DSCAML1: variants seen among roughly 807,000 people sequenced by gnomAD.
DSCAML1 encodes cell adhesion molecule DSCAML1.
In DSCAML1, 38 loss-of-function variants were observed where a neutral mutation model predicts 200.5. The ratio of observed to expected loss-of-function variants is 0.19; its 90% CI spans 0.15 to 0.25. DSCAML1 has a LOEUF of 0.25. Ranked by LOEUF, DSCAML1 falls within the 10% of genes least tolerant of loss-of-function variation. The pLI is 1.00. For missense variants in DSCAML1, 2,223 were observed against 2,858.8 expected (o/e 0.78, Z 5.07); for synonymous variants, 1,215 against 1,165.0 (o/e 1.04, Z -0.87).
chr11:117,786,009 C>T (rs962337885), intron 1 of DSCAML1, among the ~76,000 whole-genome samples: 1 of 152,152 alleles, frequency 6.6e-6, no homozygotes, highest in African/African-American at 2.4e-5. Flanking sequence ...TCCCCTCATG[C>T]CTTCTCTCCA....
intron 3 of DSCAML1, among the ~76,000 whole-genome samples, chr11:117,691,958 CTT>C (rs760967080): frequency 3.2e-4 from 49 of 151,492 alleles, no homozygotes; most frequent in Admixed American, 1.2e-3. Flanking sequence ...TCTGAAATGA[CTT>C]TTTTTTTAAG....
At chr11:117,592,626 A>C (rs1414458412) in intron 3 of DSCAML1, among the ~76,000 whole-genome samples, 1 of 152,188 alleles carries the variant, frequency 6.6e-6, no homozygotes, top group Non-Finnish European at 1.5e-5. Context: ...TAATAGTTAC[A>C]CACCCTTCGT....
chr11:117,790,458 G>C (rs1302712321), intron 1 of DSCAML1, among the ~76,000 whole-genome samples: 1 of 152,218 alleles, frequency 6.6e-6, no homozygotes, highest in Non-Finnish European at 1.5e-5. Flanking sequence ...AGCAAAGCTA[G>C]GAAAATTCTC....
At chr11:117,795,858 G>A (rs2055563513) in intron 1 of DSCAML1, among the ~76,000 whole-genome samples, 1 of 152,166 alleles carries the variant, frequency 6.6e-6, no homozygotes, top group East Asian at 1.9e-4. Context: ...CTTCCTCATC[G>A]TCTTGGGGTT....
At chr11:117,701,948 A>G (rs2053676716) in intron 3 of DSCAML1, among the ~76,000 whole-genome samples, 1 of 152,194 alleles carries the variant, frequency 6.6e-6, no homozygotes, top group South Asian at 2.1e-4. Flanking sequence ...AGCGCGTGGC[A>G]GCTGTGGTTA....
At chr11:117,757,602 AC>A (rs1383848733) in intron 3 of DSCAML1, among the ~76,000 whole-genome samples, 1 of 151,356 alleles carries the variant, frequency 6.6e-6, no homozygotes, top group African/African-American at 2.4e-5. Context: ...ACACACACAC[AC>A]ACACACACAC....
intron 3 of DSCAML1, among the ~76,000 whole-genome samples, chr11:117,590,818 G>T (rs2051244896): frequency 6.6e-6 from 1 of 152,194 alleles, no homozygotes; most frequent in Non-Finnish European, 1.5e-5. Flanking sequence ...ATGGGATGAT[G>T]ACAAGGAAGT....
chr11:117,647,359 G>T (rs1212545039), intron 3 of DSCAML1, among the ~76,000 whole-genome samples: 1 of 152,224 alleles, frequency 6.6e-6, no homozygotes. Context: ...GTCTGTGCAG[G>T]AGTCCACTCC....
Position 117,505,412 on chromosome 11 carries a change from AT to A in DSCAML1, c.2062+41del. The stretch of plus-strand genomic sequence containing the variant: ...AGAGACTGCAGTAGCAGCAGGCAGA[AT>A]GGGCTCCTCCCTCCCCTGAGGCTGG... On this transcript the variant is annotated intron_variant, in intron 9 of 32. Coordinates refer to ENST00000651296, the MANE Select transcript of DSCAML1 (RefSeq NM_020693.4). The surrounding 1 kb of genome is among the most constrained non-coding windows in gnomAD (Gnocchi z 6.7). 6.3e-7 allele frequency: 1 copy of A among 1,590,402 alleles called. No individual in the cohort carries two copies. The highest frequency in any genetic ancestry group is 8.5e-7 in the Non-Finnish European group (1 of 1,171,098).
intron 3 of DSCAML1, among the ~76,000 whole-genome samples, chr11:117,542,251 G>A (rs777586280): frequency 1.3e-5 from 2 of 152,064 alleles, no homozygotes; most frequent in Non-Finnish European, 2.9e-5. Flanking sequence ...AGCCGAGATC[G>A]CATGACTGCA....
chr11:117,558,824 A>T (rs774789650), intron 3 of DSCAML1, among the ~76,000 whole-genome samples: 29 of 152,230 alleles, frequency 1.9e-4, no homozygotes, highest in Non-Finnish European at 3.4e-4. Context: ...GGCTACATAC[A>T]TCAGCTAACA....
chr11:117,631,905 C>G (rs1337121351), intron 3 of DSCAML1, among the ~76,000 whole-genome samples: 1 of 152,332 alleles, frequency 6.6e-6, no homozygotes, highest in South Asian at 2.1e-4. Context: ...AGGTCCCTGG[C>G]TGAGTCACAG....
chr11:117,742,107 C>T (rs1406241515), intron 3 of DSCAML1, among the ~76,000 whole-genome samples: 2 of 152,166 alleles, frequency 1.3e-5, no homozygotes, highest in African/African-American at 4.8e-5. Flanking sequence ...GGCACATCAT[C>T]TCATAGGGAC....
chr11:117,688,151 A>G (rs572415215), intron 3 of DSCAML1, among the ~76,000 whole-genome samples: 1 of 152,366 alleles, frequency 6.6e-6, no homozygotes, highest in South Asian at 2.1e-4. Flanking sequence ...GCAATACAGG[A>G]AAAAGAATGG....
chr11:117,513,711 A>C (rs558820834), intron 8 of DSCAML1, among the ~76,000 whole-genome samples: 27 of 149,146 alleles, frequency 1.8e-4, no homozygotes, highest in Non-Finnish European at 4.0e-4. Flanking sequence ...ACTGCACTGC[A>C]ACCTGGGTGA....
intron 3 of DSCAML1, among the ~76,000 whole-genome samples, chr11:117,755,509 C>T (rs922139271): frequency 1.3e-5 from 2 of 152,216 alleles, no homozygotes; most frequent in Non-Finnish European, 2.9e-5. Flanking sequence ...CCCGTCTCCT[C>T]GGATTGTCAT....
At chr11:117,619,276 G>A (rs558134388) in intron 3 of DSCAML1, among the ~76,000 whole-genome samples, 19 of 152,226 alleles carry the variant, frequency 1.2e-4, no homozygotes, top group African/African-American at 4.3e-4. Flanking sequence ...GGCCAGACCT[G>A]GATGCTGTCA....
At chr11:117,495,394 A>G (rs775755368) in intron 11 of DSCAML1, among the ~76,000 whole-genome samples, 7 of 152,170 alleles carry the variant, frequency 4.6e-5, no homozygotes, top group Non-Finnish European at 1.0e-4. Context: ...TTAGAACTGA[A>G]TCCTGCCACG....
intron 21 of DSCAML1, among the ~76,000 whole-genome samples, chr11:117,442,786 G>C (rs903137022): frequency 6.6e-6 from 1 of 152,286 alleles, no homozygotes; most frequent in South Asian, 2.1e-4. Context: ...TAGGGGTTAG[G>C]GGGTGGTAGG....
Sources: gnomAD v4.1 joint callset for allele counts (sites outside exome capture counted in the v4.1 genomes callset) on GRCh38, gnomAD v4.1.1 for gene constraint, Gnocchi (gnomAD v3.1) non-coding constraint, MANE v1.5 for transcripts, NCBI Gene and HGNC (gene_info 2026-07-23, HGNC 2026-07-21) for gene names.